UBR3: variants seen among roughly 807,000 people sequenced by gnomAD.
The protein encoded by UBR3 is ubiquitin protein ligase E3 component n-recognin 3.
A neutral mutation model predicts 243.2 loss-of-function variants in UBR3; 85 were observed. That is an observed-to-expected ratio of 0.35 (90% CI 0.29 to 0.42). The LOEUF is 0.42. UBR3 is among the 10% of genes least tolerant of loss of function. UBR3 has a pLI of 1.00. For missense variants in UBR3, 1,686 were observed against 2,300.8 expected, an observed-to-expected ratio of 0.73 and a Z score of 5.47; for synonymous variants, 748 against 799.8, an observed-to-expected ratio of 0.94 and a Z score of 1.09.
chr2:170,055,989 C>A (rs1466931168), intron 33 of UBR3, among the ~76,000 whole-genome samples: 1 of 148,080 alleles, frequency 6.8e-6, no homozygotes, highest in African/African-American at 2.5e-5. Flanking sequence ...ATTTAAAATC[C>A]TAGTCTTTTC....
At chr2:170,044,063 G>T (rs1238609905) in intron 32 of UBR3, among the ~76,000 whole-genome samples, 1 of 151,692 alleles carries the variant, frequency 6.6e-6, no homozygotes, top group African/African-American at 2.4e-5. Context: ...TTCCACAGAG[G>T]TTTTTTTTGA....
At chr2:169,940,117 G>T (rs1002589967) in intron 19 of UBR3, among the ~76,000 whole-genome samples, 3 of 152,032 alleles carry the variant, frequency 2.0e-5, no homozygotes, top group Non-Finnish European at 4.4e-5. Flanking sequence ...CAGGGAAATT[G>T]GGATATTCAT....
chr2:169,991,467 T>A (rs1396837168), intron 25 of UBR3, among the ~76,000 whole-genome samples: 1 of 152,224 alleles, frequency 6.6e-6, no homozygotes, highest in Non-Finnish European at 1.5e-5. Context: ...TTTAAAAGAT[T>A]GAAATTATTC....
chr2:169,872,808 A>G (rs1178674033), intron 2 of UBR3, among the ~76,000 whole-genome samples: 1 of 151,996 alleles, frequency 6.6e-6, no homozygotes, highest in Non-Finnish European at 1.5e-5. Flanking sequence ...TATATATTAT[A>G]TAATAACTTA....
chr2:169,947,611 C>A lies in UBR3; in HGVS notation c.2980C>A (p.Arg994=). The change falls in exon 22 of 39, where the codon CGA becomes AGA. Residue 994 remains arginine, a synonymous_variant. Coordinates refer to ENST00000272793, the MANE Select transcript of UBR3 (RefSeq NM_172070.4). The part of the protein sequence containing the change: ...FPGSNLVSNM[R]HFINYVRVRV... ...TGGCAGTAACTTAGTGTCAAACATG[C>A]GACACTTTATAAACTATGTTAGAGT... 7 of 1,534,468 alleles carry A rather than the reference C, an allele frequency of 4.6e-6. No homozygotes were observed. Among genetic ancestry groups the A allele is most frequent in the Non-Finnish European group, 6.1e-6 (7 of 1,138,642 alleles).
At chr2:169,989,042 C>T (rs1174953891) in intron 25 of UBR3, among the ~76,000 whole-genome samples, 1 of 151,972 alleles carries the variant, frequency 6.6e-6, no homozygotes, top group Non-Finnish European at 1.5e-5. Context: ...CAAAGTGAAC[C>T]CCCATGTCCC....
intron 35 of UBR3, 41 bp downstream of exon 35, chr2:170,061,484 TTC>T (rs763790339): frequency 4.9e-6 from 7 of 1,422,692 alleles, no homozygotes; most frequent in African/African-American, 4.3e-5. Flanking sequence ...TTTTTTTTTT[TTC>T]AGATGGAGTC....
At chr2:169,832,946 A>G (rs2081984783) in intron 1 of UBR3, among the ~76,000 whole-genome samples, 1 of 151,758 alleles carries the variant, frequency 6.6e-6, no homozygotes, top group Non-Finnish European at 1.5e-5. Context: ...AAAAAAAAAA[A>G]TGCTTTATGG....
At chr2:170,067,888 C>T (rs2105452236) in intron 35 of UBR3, among the ~76,000 whole-genome samples, 1 of 151,752 alleles carries the variant, frequency 6.6e-6, no homozygotes, top group Admixed American at 6.6e-5. Flanking sequence ...TCTCCCTCAG[C>T]CTCCTGAATA....
At position 169,895,105 on chromosome 2, in the gene UBR3, G is replaced by T. The variant is rs998271731; in HGVS notation, c.1106-76G>T. 4.4e-5 allele frequency: 60 copies of T among 1,353,458 alleles called. No individual in the cohort carries two copies. The African/African-American group carries it at 7.8e-4, about 18-fold the overall frequency. 83.8% of individuals were successfully genotyped at this position (1,353,458 alleles called of 1,614,324 possible). ...CTTTTAGATACTTTCCCATTTTATG[G>T]TTTATGGGTTATTAGTTATAAAATG... is the stretch of plus-strand genomic sequence containing the variant. On this transcript the variant is annotated intron_variant, in intron 6 of 38. Transcript: ENST00000272793.
chr2:170,020,416 A>G (rs981956049), intron 30 of UBR3, among the ~76,000 whole-genome samples: 1 of 152,212 alleles, frequency 6.6e-6, no homozygotes, highest in African/African-American at 2.4e-5. Flanking sequence ...TAGGGCCAAC[A>G]TGAAAGATAC....
At chr2:169,848,268 A>G (rs1181925324) in intron 1 of UBR3, among the ~76,000 whole-genome samples, 1 of 150,326 alleles carries the variant, frequency 6.7e-6, no homozygotes, top group Non-Finnish European at 1.5e-5. Flanking sequence ...TTTGTTTTAG[A>G]TACAGATTTT....
chr2:169,864,906 CAAAAA>C (rs11336906), intron 1 of UBR3, among the ~76,000 whole-genome samples: 1 of 64,834 alleles, frequency 1.5e-5, no homozygotes, highest in South Asian at 5.8e-4. Context: ...GACTCCGTCT[CAAAAA>C]AAAAAAAAAA....
intron 13 of UBR3, 143 bp downstream of exon 13, chr2:169,924,316 T>C: frequency 1.5e-6 from 1 of 656,412 alleles, no homozygotes; most frequent in Non-Finnish European, 2.5e-6. Context: ...TTTTGCTAGA[T>C]TATGTTTAGG....
chr2:170,026,981 T>C (rs183902338), intron 30 of UBR3, among the ~76,000 whole-genome samples: 7 of 152,080 alleles, frequency 4.6e-5, no homozygotes, highest in Admixed American at 3.3e-4. Flanking sequence ...CAATAAATAA[T>C]GAATTTTATT....
chr2:170,033,185 ATAT>A (rs2090726635), intron 31 of UBR3, among the ~76,000 whole-genome samples: 1 of 152,028 alleles, frequency 6.6e-6, no homozygotes, highest in African/African-American at 2.4e-5. Context: ...ACAGACATAG[ATAT>A]TATGCTTTCT....
intron 26 of UBR3, 80 bp downstream of exon 26, chr2:169,994,536 C>A: frequency 1.4e-6 from 2 of 1,456,014 alleles, no homozygotes; most frequent in South Asian, 2.8e-5. Flanking sequence ...TGTCTTTTAC[C>A]AAAATGGCAT....
intron 24 of UBR3, among the ~76,000 whole-genome samples, chr2:169,979,815 C>T (rs12477563): frequency 0.21 from 31,211 of 151,824 alleles, 3,585 homozygotes; most frequent in East Asian, 0.37. Flanking sequence ...CAGTAAAGTT[C>T]GATATGTAAC....
chr2:169,856,099 C>T (rs1447942392), intron 1 of UBR3, among the ~76,000 whole-genome samples: 1 of 151,846 alleles, frequency 6.6e-6, no homozygotes, highest in Non-Finnish European at 1.5e-5. Flanking sequence ...GGCGGAGGGG[C>T]TCCTCACTTC....
Sources: gnomAD v4.1 joint callset for allele counts (sites outside exome capture counted in the v4.1 genomes callset) on GRCh38, gnomAD v4.1.1 for gene constraint, MANE v1.5 for transcripts, NCBI Gene and HGNC (gene_info 2026-07-23, HGNC 2026-07-21) for gene names.